Variants in TENT4B observed in about 807,000 individuals in gnomAD.
TENT4B encodes the protein PAP associated domain containing 5.
A neutral mutation model predicts 75.0 loss-of-function variants in TENT4B; 10 were observed. The observed-to-expected ratio is 0.13, with a 90% CI of 0.08 to 0.23. The LOEUF is 0.23. Among genes scored for constraint, TENT4B ranks in the 10% least tolerant of loss-of-function variants. The pLI, the probability that TENT4B is intolerant of heterozygous loss-of-function variation, is 1.00. For missense variants in TENT4B, 579 were observed against 893.8 expected, an observed-to-expected ratio of 0.65 and a Z score of 4.49; for synonymous variants, 350 against 357.7, an observed-to-expected ratio of 0.98 and a Z score of 0.24.
chr16:50,185,125 T>C (rs1368001000), intron 1 of TENT4B, among the ~76,000 whole-genome samples: 1 of 152,142 alleles, frequency 6.6e-6, no homozygotes, highest in Non-Finnish European at 1.5e-5. Context: ...AAGCTCCAAG[T>C]TGTAGTTTGC....
intron 5 of TENT4B, among the ~76,000 whole-genome samples, chr16:50,220,631 C>T (rs1268297864): frequency 3.3e-5 from 5 of 151,994 alleles, no homozygotes; most frequent in South Asian, 4.1e-4. Context: ...TGAGTTCAAA[C>T]GATTCTTGTG....
chr16:50,169,299 C>G (rs140260330), intron 1 of TENT4B, among the ~76,000 whole-genome samples: 1 of 150,914 alleles, frequency 6.6e-6, no homozygotes, highest in Non-Finnish European at 1.5e-5. Context: ...GGTTATATTC[C>G]TCTGGTATCA....
In TENT4B at chr16:50,232,689, A is replaced by G. The variant is rs13334248; in HGVS notation, c.*3361A>G. 1.0e-6 allele frequency: 1 copy of G among 985,092 alleles called. No homozygotes were observed. The highest frequency in any genetic ancestry group is 1.2e-6 in the Non-Finnish European group (1 of 829,890). The allele number at this position is 985,092 out of a possible 1,614,324, so 61.0% of individuals were successfully genotyped here. On this transcript the variant is annotated 3_prime_UTR_variant, in exon 12 of 12. Transcript: ENST00000561678. Reference sequence around the variant, plus strand: ...GTTCATTGCAAAGCCCTCTCCAGTGACTAGGAGGTGTAGTTATTAAGGTTG... The same window carrying G: ...GTTCATTGCAAAGCCCTCTCCAGTGGCTAGGAGGTGTAGTTATTAAGGTTG...
chr16:50,194,989 TCC>T (rs1287283940), intron 1 of TENT4B, among the ~76,000 whole-genome samples: 1 of 151,958 alleles, frequency 6.6e-6, no homozygotes, highest in African/African-American at 2.4e-5. Context: ...GACCTTGTGA[TCC>T]GCCTGCCTCG....
intron 1 of TENT4B, among the ~76,000 whole-genome samples, chr16:50,190,382 T>A (rs561782451): frequency 1.3e-5 from 2 of 152,150 alleles, no homozygotes; most frequent in South Asian, 4.1e-4. Flanking sequence ...TTAAGTACAG[T>A]CCCAGTTTAG....
chr16:50,187,114 GTTTA>G (rs1326956555), intron 1 of TENT4B, among the ~76,000 whole-genome samples: 1 of 152,006 alleles, frequency 6.6e-6, no homozygotes, highest in Non-Finnish European at 1.5e-5. Context: ...TTTTGATGAA[GTTTA>G]TTTTTTATCT....
chr16:50,203,052 G>A (rs917697275), intron 1 of TENT4B, among the ~76,000 whole-genome samples: 6 of 152,280 alleles, frequency 3.9e-5, no homozygotes, highest in Admixed American at 2.6e-4. Flanking sequence ...ACACATAGAC[G>A]AGTATCCATT....
At position 50,232,597 on chromosome 16, in the gene TENT4B, G is replaced by C; in HGVS notation, c.*3269G>C. ...CTGTGGACTAGTGTTTGGGGTTTCT[G>C]GAAACACTAGAGGGTCAGAAAAGAG... is the stretch of plus-strand genomic sequence containing the variant. On this transcript the variant is annotated 3_prime_UTR_variant, in exon 12 of 12. Transcript: ENST00000561678. The C allele has an allele frequency of 1.0e-6, 1 of 985,294 alleles. No individual in the cohort carries two copies. The highest frequency in any genetic ancestry group is 5.2e-4 in the Middle Eastern group (1 of 1,914). 61.0% of individuals were successfully genotyped at this position (985,294 alleles called of 1,614,324 possible).
At chr16:50,173,547 G>A (rs941340224) in intron 1 of TENT4B, among the ~76,000 whole-genome samples, 33 of 152,120 alleles carry the variant, frequency 2.2e-4, no homozygotes, top group South Asian at 6.2e-4. Flanking sequence ...AGTTCCTGTC[G>A]CTCCACATCC....
intron 1 of TENT4B, among the ~76,000 whole-genome samples, chr16:50,197,433 T>G (rs895653388): frequency 6.6e-6 from 1 of 152,102 alleles, no homozygotes; most frequent in African/African-American, 2.4e-5. Flanking sequence ...GGACTACAGG[T>G]GTGCACCACC....
At chr16:50,153,072 G>T (rs1277035591), upstream of TENT4B, 3 of 1,407,652 alleles carry the variant, frequency 2.1e-6, no homozygotes, top group Non-Finnish European at 2.8e-6. Flanking sequence ...AGTACGGTTG[G>T]GCCAGGCGGT....
At chr16:50,207,852 G>C (rs539209778) in intron 1 of TENT4B, among the ~76,000 whole-genome samples, 5 of 152,130 alleles carry the variant, frequency 3.3e-5, no homozygotes, top group African/African-American at 9.7e-5. Context: ...CTCTACAAAC[G>C]GACTTCCAGC....
Position 50,229,652 on chromosome 16 carries a change from A to G in TENT4B, c.*324A>G, listed in dbSNP as rs975439683. 5 of 1,036,650 alleles carry G rather than the reference A, an allele frequency of 4.8e-6. No individual in the cohort carries two copies. In the African/African-American group the frequency reaches 8.5e-5, roughly 18 times the overall value. The allele number at this position is 1,036,650 out of a possible 1,614,324, so 64.2% of individuals were successfully genotyped here. On this transcript the variant is annotated 3_prime_UTR_variant, in exon 12 of 12. Transcript: ENST00000561678. ...TTTCTCATTGGCTTTATGCAGAGTT[A>G]TAGGGAATAGTATTCAGTGTTGGTA...
Position 50,153,501 on chromosome 16 carries a change from A to C in TENT4B, c.-121A>C. On this transcript the variant is annotated 5_prime_UTR_variant, in exon 1 of 12. Transcript: ENST00000561678. ...GCGGCGGGCCCCGAGCAGCAGCAGC[A>C]GCAGCAGCGGCAGCAGCGGCAGCAG... is the stretch of plus-strand genomic sequence containing the variant. 1 of 972,996 alleles carries C rather than the reference A, an allele frequency of 1.0e-6. No individual in the cohort carries two copies. The highest frequency in any genetic ancestry group is 1.2e-6 in the Non-Finnish European group (1 of 822,140). The allele number at this position is 972,996 out of a possible 1,614,324, so 60.3% of individuals were successfully genotyped here. A position where few individuals can be genotyped will look rare whatever the true frequency, so the allele number is the denominator to read the frequency against.
intron 1 of TENT4B, among the ~76,000 whole-genome samples, chr16:50,169,715 G>C (rs1287751031): frequency 6.6e-6 from 1 of 152,186 alleles, no homozygotes; most frequent in African/African-American, 2.4e-5. Context: ...TGTCACCCCA[G>C]GCAAAGAGAA....
chr16:50,226,685 G>A (rs2032070884), intron 10 of TENT4B, among the ~76,000 whole-genome samples: 1 of 152,142 alleles, frequency 6.6e-6, no homozygotes, highest in Non-Finnish European at 1.5e-5. Flanking sequence ...CAAAGTGCTG[G>A]GATTACAGGC....
intron 1 of TENT4B, among the ~76,000 whole-genome samples, chr16:50,194,817 C>T (rs544146095): frequency 2.4e-4 from 34 of 144,572 alleles, no homozygotes; most frequent in Admixed American, 8.6e-4. Context: ...GGCGCGATCT[C>T]GGCTCACTGC....
intron 4 of TENT4B, among the ~76,000 whole-genome samples, chr16:50,217,019 T>C (rs1261641241): frequency 6.6e-6 from 1 of 152,196 alleles, no homozygotes; most frequent in Admixed American, 6.5e-5. Flanking sequence ...AGTGTACACC[T>C]TAAGAATCCA....
At chr16:50,211,559 A>G in intron 2 of TENT4B, 113 bp downstream of exon 2, 6 of 1,198,532 alleles carry the variant, frequency 5.0e-6, no homozygotes, top group Non-Finnish European at 6.4e-6. Context: ...TGCTCTGTAG[A>G]GTTGTGGTCT....
Sources: gnomAD v4.1 joint callset for allele counts (sites outside exome capture counted in the v4.1 genomes callset) on GRCh38, gnomAD v4.1.1 for gene constraint, MANE v1.5 for transcripts, NCBI Gene and HGNC (gene_info 2026-07-23, HGNC 2026-07-21) for gene names.